The following AFMID variants were observed in gnomAD, a reference collection of about 807,000 sequenced individuals.
AFMID encodes the protein arylformamidase.
In AFMID, 39 loss-of-function variants were observed where a neutral mutation model predicts 47.5. The ratio of observed to expected loss-of-function variants is 0.82; its 90% confidence interval spans 0.64 to 1.07. AFMID has a LOEUF of 1.07. Ranked by LOEUF, AFMID falls within the 50% of genes least tolerant of loss-of-function variation. AFMID has a pLI of 0.00. For missense variants in AFMID, 375 were observed against 387.5 expected, an observed-to-expected ratio of 0.97 and a Z score of 0.27; for synonymous variants, 130 against 153.2, an observed-to-expected ratio of 0.85 and a Z score of 1.12.
rs368269592 is a variant in AFMID, at chr17:78,202,746, C to T, written c.303C>T (p.Ser101=). Residue 101 remains serine, a synonymous_variant, in exon 4 of 11, where the codon AGC becomes AGT. Transcript: ENST00000409257. ...FLFFHGGYWQ[S]GSKDESAFMV... ...TCTTTCACGGAGGATACTGGCAGAG[C>T]GGAAGGTGAGTCGGGGGATGTGGAT... 1.2e-5 allele frequency: 19 copies of T among 1,557,522 alleles called. No homozygotes were observed. Among genetic ancestry groups the T allele is most frequent in the African/African-American group, 4.1e-5 (3 of 73,690 alleles).
At chr17:78,201,613 T>C (rs1415456876) in intron 2 of AFMID, among the ~76,000 whole-genome samples, 1 of 152,146 alleles carries the variant, frequency 6.6e-6, no homozygotes, top group African/African-American at 2.4e-5. Flanking sequence ...CTGGGCAATA[T>C]AGTGAGACCC....
chr17:78,201,058 G>A (rs1343041979), intron 2 of AFMID, among the ~76,000 whole-genome samples: 2 of 151,852 alleles, frequency 1.3e-5, no homozygotes, highest in East Asian at 1.9e-4. Flanking sequence ...GTGCAGTGGT[G>A]CAATCTCAGC....
Position 78,205,982 on chromosome 17 carries a change from G to A in AFMID, c.817G>A (p.Glu273Lys). Reference sequence around the variant, plus strand: ...AGGAGAGTGGAAAGCCTCATTTGAAGAGCTCCACGATGTGGACCACTTTGA... The same window carrying A: ...AGGAGAGTGGAAAGCCTCATTTGAAAAGCTCCACGATGTGGACCACTTTGA... ...CQGEWKASFE[E>K]LHDVDHFEIV... is the part of the protein sequence containing the mutation. Residue 273 changes from glutamate to lysine, a missense_variant, in exon 10 of 11, where the codon GAG (glutamate) becomes AAG (lysine). Transcript: ENST00000409257. The A allele has an allele frequency of 6.2e-7, 1 of 1,614,014 alleles. No individual in the cohort carries two copies. Among genetic ancestry groups the A allele is most frequent in the Non-Finnish European group, 8.5e-7 (1 of 1,180,014 alleles).
chr17:78,205,959 G>C lies in AFMID; in HGVS notation c.794G>C (p.Gly265Ala). 2.5e-6 allele frequency: 4 copies of C among 1,614,086 alleles called. No homozygotes were observed. Among genetic ancestry groups the C allele is most frequent in the Non-Finnish European group, 3.4e-6 (4 of 1,179,996 alleles). ...TCCCCTGCCCAGACCCTGTGTCAAG[G>C]AGAGTGGAAAGCCTCATTTGAAGAG... is the stretch of plus-strand genomic sequence containing the variant. Reference protein sequence around the residue: ...SWEFYQTLCQGEWKASFEELH... With the variant: ...SWEFYQTLCQAEWKASFEELH... The change falls in exon 10 of 11, where the codon GGA (glycine) becomes GCA (alanine). Residue 265 changes from glycine (G) to alanine (A), a missense_variant. Transcript: ENST00000409257.
At chr17:78,197,209 G>A (rs2145861188) in intron 2 of AFMID, 1 of 1,550,752 alleles carries the variant, frequency 6.4e-7, no homozygotes. Flanking sequence ...ATGAGCCTGT[G>A]AGGCACATTG....
At chr17:78,196,415 C>G (rs1251942749) in intron 2 of AFMID, among the ~76,000 whole-genome samples, 1 of 150,046 alleles carries the variant, frequency 6.7e-6, no homozygotes, top group African/African-American at 2.5e-5. Context: ...CAGAGGCTCA[C>G]GCCTGTAATC....
chr17:78,198,974 G>C (rs549650743), intron 2 of AFMID, among the ~76,000 whole-genome samples: 1 of 152,092 alleles, frequency 6.6e-6, no homozygotes. Flanking sequence ...AAATGGCCCC[G>C]TAGTACACAC....
chr17:78,194,194 T>A (rs1486148182), intron 2 of AFMID, among the ~76,000 whole-genome samples: 1 of 151,050 alleles, frequency 6.6e-6, no homozygotes, highest in Non-Finnish European at 1.5e-5. Context: ...CATTGCAACC[T>A]CTGCCTCCTG....
chr17:78,205,773 G>C (rs751038133), intron 9 of AFMID, 35 bp downstream of exon 9: 53 of 1,605,032 alleles, frequency 3.3e-5, no homozygotes, highest in Non-Finnish European at 4.1e-5. Context: ...CAGAGGTCGA[G>C]GGTCATGTGG....
intron 2 of AFMID, among the ~76,000 whole-genome samples, chr17:78,193,040 A>G (rs1263167858): frequency 1.3e-5 from 2 of 151,804 alleles, no homozygotes; most frequent in Admixed American, 6.6e-5. Context: ...ATTCATCTCT[A>G]TTTGCTCGAT....
At chr17:78,198,349 A>G (rs1293120246) in intron 2 of AFMID, among the ~76,000 whole-genome samples, 1 of 152,052 alleles carries the variant, frequency 6.6e-6, no homozygotes, top group African/African-American at 2.4e-5. Context: ...CTGTAATCCC[A>G]GCACTTTGGG....
intron 4 of AFMID, 51 bp from the exon 5 acceptor site, chr17:78,204,605 C>T: frequency 6.3e-7 from 1 of 1,577,976 alleles, no homozygotes; most frequent in Non-Finnish European, 8.7e-7. Context: ...ACACAGGAAG[C>T]AGCGTAGTGG....
At chr17:78,188,010 TA>T (rs756289414) in intron 1 of AFMID, among the ~76,000 whole-genome samples, 2 of 143,832 alleles carry the variant, frequency 1.4e-5, no homozygotes, top group East Asian at 2.2e-4. Context: ...CGCAGGAGGT[TA>T]GGGGACAAAG....
At chr17:78,199,451 C>T (rs940320072) in intron 2 of AFMID, among the ~76,000 whole-genome samples, 2 of 151,856 alleles carry the variant, frequency 1.3e-5, no homozygotes, top group Non-Finnish European at 2.9e-5. Flanking sequence ...TCTCGGCTCG[C>T]TGCAACCTCT....
Position 78,205,161 on chromosome 17 carries a change from C to T in AFMID, c.536C>T (p.Thr179Ile). Residue 179 changes from threonine to isoleucine, a missense_variant, in exon 7 of 11, where the codon ACC (threonine) becomes ATC (isoleucine). Thr to Ile is a moderately conservative substitution (Grantham distance 89). Transcript: ENST00000409257. ...LAAMMLLADW[T>I]KHGVTPNLRG... ...GCCATGATGCTCCTGGCCGACTGGA[C>T]CAAGCATGGGGTCACGCCCAACCTC... 1.2e-6 allele frequency: 2 copies of T among 1,612,798 alleles called. No individual in the cohort carries two copies. The highest frequency in any genetic ancestry group is 1.7e-6 in the Non-Finnish European group (2 of 1,179,514).
chr17:78,202,914 AG>A (rs763361240), intron 4 of AFMID, 163 bp downstream of exon 4: 3 of 854,914 alleles, frequency 3.5e-6, no homozygotes, highest in South Asian at 1.7e-5. Flanking sequence ...AAATGTGGGC[AG>A]GGTTCCTAGG....
In AFMID at chr17:78,191,015, G is replaced by C. The variant is rs1312422791; in HGVS notation, c.109G>C (p.Gly37Arg). Residue 37 changes from glycine to arginine, a missense_variant, in exon 2 of 11, where the codon GGA (glycine) becomes CGA (arginine). By Grantham distance (125) the Gly-to-Arg change is moderately radical (BLOSUM62 -2). Transcript: ENST00000409257. ...TCCCAGCCGATGGGTTGTCCGACTG[G>C]GAGCAGAGGAAGCCTTGAGGACCTA... ...YCPSRWVVRL[G>R]AEEALRTYSQ... 6 of 1,613,944 alleles carry C rather than the reference G, an allele frequency of 3.7e-6. No homozygotes were observed. The highest frequency in any genetic ancestry group is 4.2e-6 in the Non-Finnish European group (5 of 1,180,022).
At chr17:78,191,752 C>T (rs983980454) in intron 2 of AFMID, among the ~76,000 whole-genome samples, 32 of 142,872 alleles carry the variant, frequency 2.2e-4, no homozygotes, top group African/African-American at 7.5e-4. Context: ...TGCAGTGGCG[C>T]GATCTCAGCT....
intron 2 of AFMID, 58 bp from the exon 3 acceptor site, chr17:78,202,441 A>G (rs1599009957): frequency 1.9e-6 from 3 of 1,554,618 alleles, no homozygotes; most frequent in Middle Eastern, 1.7e-4. Flanking sequence ...AAAAAAGAAA[A>G]GAAAAATTTC....
Sources: gnomAD v4.1 joint callset for allele counts (sites outside exome capture counted in the v4.1 genomes callset) on GRCh38, gnomAD v4.1.1 for gene constraint, MANE v1.5 for transcripts, NCBI Gene and HGNC (gene_info 2026-07-23, HGNC 2026-07-21) for gene names.